Variants in RAPGEF6 observed in about 807,000 individuals in gnomAD.
RAPGEF6 encodes PDZ domain containing guanine nucleotide exchange factor (GEF) 2.
A neutral mutation model predicts 171.4 loss-of-function variants in RAPGEF6; 56 were observed. The observed-to-expected ratio is 0.33, with a 90% CI of 0.26 to 0.41. The LOEUF (loss-of-function observed/expected upper bound fraction) is 0.41. RAPGEF6 is among the 10% of genes least tolerant of loss of function. RAPGEF6 has a pLI of 1.00. For missense variants in RAPGEF6, 1,674 were observed against 1,921.4 expected, an observed-to-expected ratio of 0.87 and a Z score of 2.41; for synonymous variants, 692 against 650.1, an observed-to-expected ratio of 1.06 and a Z score of -0.98.
chr5:131,432,789 AT>A (rs1018299401), intron 25 of RAPGEF6, among the ~76,000 whole-genome samples: 1 of 152,184 alleles, frequency 6.6e-6, no homozygotes, highest in African/African-American at 2.4e-5. Context: ...TATAGAAAAC[AT>A]TTGCTGACCT....
Position 131,521,249 on chromosome 5 carries a change from G to GTATA in RAPGEF6, c.627+137_627+140dup, listed in dbSNP as rs1758455283. The GTATA allele has an allele frequency of 5.1e-6, 4 of 776,968 alleles. No individual in the cohort carries two copies. The East Asian group carries it at 1.3e-4, about 25-fold the overall frequency. 48.1% of individuals were successfully genotyped at this position (776,968 alleles called of 1,614,324 possible). ...TAATCATGCTTACAAATTTGACACA[G>GTATA]TATATAAAGCTTATTTTTCTAAAGA... On this transcript the variant is annotated intron_variant, in intron 7 of 27. Coordinates refer to ENST00000509018, the MANE Select transcript of RAPGEF6 (RefSeq NM_016340.6).
chr5:131,578,643 C>A (rs985562528), intron 4 of RAPGEF6, among the ~76,000 whole-genome samples: 1 of 152,182 alleles, frequency 6.6e-6, no homozygotes, highest in Non-Finnish European at 1.5e-5. Flanking sequence ...CATCTTCCAA[C>A]AACAGCTTAC....
chr5:131,523,279 C>CTTTTTTTTTTTTTTTTTT (rs1171953953), intron 6 of RAPGEF6, among the ~76,000 whole-genome samples: 5 of 66,650 alleles, frequency 7.5e-5, no homozygotes, highest in African/African-American at 1.4e-4. Context: ...CTGTTGTATG[C>CTTTTTTTTTTTTTTTTTT]TTTTTTTTTT....
intron 22 of RAPGEF6, among the ~76,000 whole-genome samples, chr5:131,443,104 C>T (rs559551365): frequency 1.3e-5 from 2 of 152,240 alleles, no homozygotes; most frequent in South Asian, 4.2e-4. Flanking sequence ...ACCACCATAC[C>T]CAGCTAATTC....
chr5:131,497,140 T>C (rs1286362012), intron 12 of RAPGEF6, among the ~76,000 whole-genome samples: 2 of 152,258 alleles, frequency 1.3e-5, no homozygotes, highest in Non-Finnish European at 2.9e-5. Context: ...CTGAACATCT[T>C]TGTCATGTGC....
rs1230181212 is a variant in RAPGEF6, at chr5:131,430,879, C to T, written c.4445G>A (p.Ser1482Asn). Residue 1482 changes from serine to asparagine, a missense_variant, in exon 26 of 28, where the codon AGT becomes AAT. Physicochemically the swap from Ser to Asn is conservative, Grantham distance 46. This residue lies in a region of RAPGEF6 where 552 missense variants were observed against 574.2 expected (regional missense o/e 0.96). Coordinates refer to ENST00000509018, the MANE Select transcript of RAPGEF6 (RefSeq NM_016340.6). ...CTTACCAATCAAGCCCTTTTCTGTACTTGAAGTGACAGTTTTATAAACTGG... is the reference window on the plus strand; with the variant it reads ...CTTACCAATCAAGCCCTTTTCTGTATTTGAAGTGACAGTTTTATAAACTGG... ...TDPVYKTVTS[S>N]TEKGLIVYCV... 1.2e-6 allele frequency: 2 copies of T among 1,604,580 alleles called. No homozygotes were observed. The highest frequency in any genetic ancestry group is 1.7e-6 in the Non-Finnish European group (2 of 1,176,702).
In RAPGEF6 at chr5:131,461,827, A is replaced by G. The variant is rs535249011; in HGVS notation, c.2742T>C (p.Val914=). ...EDIVNQETFW[V]ASEILTEANQ... ...TTGCTTCAGTTAAAATTTCTGAGGC[A>G]ACCCAGAATGTCTCTTGGTTTACAA... The change falls in exon 19 of 28, where the codon GTT becomes GTC. Residue 914 remains valine (V), a synonymous_variant. Transcript: ENST00000509018. 8 of 1,614,020 alleles carry G rather than the reference A, an allele frequency of 5.0e-6. No homozygotes were observed. In the African/African-American group the frequency reaches 1.1e-4, roughly 22 times the overall value.
At chr5:131,512,894 A>T (rs1314072087) in intron 7 of RAPGEF6, among the ~76,000 whole-genome samples, 1 of 152,140 alleles carries the variant, frequency 6.6e-6, no homozygotes, top group Non-Finnish European at 1.5e-5. Flanking sequence ...CAGACACCAA[A>T]TCTGCTTGCT....
intron 8 of RAPGEF6, among the ~76,000 whole-genome samples, chr5:131,508,424 A>G (rs1226825154): frequency 6.6e-6 from 1 of 152,216 alleles, no homozygotes; most frequent in South Asian, 2.1e-4. Context: ...GCATATTGGA[A>G]GATAACAGAA....
intron 24 of RAPGEF6, chr5:131,436,302 CT>C: frequency 6.5e-7 from 1 of 1,537,514 alleles, no homozygotes; most frequent in Non-Finnish European, 8.7e-7. Flanking sequence ...GAAGGATTTT[CT>C]TTTGCAAGTA....
intron 7 of RAPGEF6, among the ~76,000 whole-genome samples, chr5:131,518,212 GATATGAT>G (rs1412115374): frequency 3.3e-5 from 5 of 151,578 alleles, no homozygotes; most frequent in South Asian, 4.2e-4. Flanking sequence ...TTATCTCATA[GATATGAT>G]ATATAAGATT....
At chr5:131,575,736 A>C (rs895656211) in intron 4 of RAPGEF6, among the ~76,000 whole-genome samples, 1 of 152,058 alleles carries the variant, frequency 6.6e-6, no homozygotes, top group African/African-American at 2.4e-5. Context: ...GCACTCCCTA[A>C]TTCATCCCAA....
chr5:131,598,080 T>C (rs1283348544), intron 3 of RAPGEF6, among the ~76,000 whole-genome samples: 1 of 152,130 alleles, frequency 6.6e-6, no homozygotes, highest in East Asian at 1.9e-4. Flanking sequence ...AAACCTGCTA[T>C]ATTTATTACG....
intron 3 of RAPGEF6, 37 bp from the exon 4 acceptor site, chr5:131,592,503 A>C (rs770697479): frequency 4.4e-6 from 7 of 1,599,414 alleles, no homozygotes; most frequent in Non-Finnish European, 5.1e-6. Flanking sequence ...GAGCAAAACA[A>C]CACACATGTT....
intron 4 of RAPGEF6, among the ~76,000 whole-genome samples, chr5:131,575,591 C>A (rs1762557904): frequency 6.6e-6 from 1 of 152,180 alleles, no homozygotes; most frequent in Non-Finnish European, 1.5e-5. Context: ...CCTTTGGATA[C>A]CAGGTTTTGC....
rs999226561 is a variant in RAPGEF6 at position 131,484,591 on chromosome 5, C to A, written c.1841-4838G>T. The stretch of plus-strand genomic sequence containing the variant: ...GAAAGTAAAACCCTGCAGTGTCTGT[C>A]AAAAGTAATTCCACTTTGAGAAATG... On this transcript the variant is annotated intron_variant, in intron 15 of 27. Transcript: ENST00000509018. 1.3e-4 allele frequency among the ~76,000 whole-genome samples: 20 copies of A among 152,038 alleles called. 1 individual carries two copies. Among genetic ancestry groups the A allele is most frequent in the Non-Finnish European group, 2.1e-4 (14 of 68,004 alleles).
chr5:131,440,267 G>A (rs1752293446), intron 23 of RAPGEF6: 2 of 455,972 alleles, frequency 4.4e-6, no homozygotes, highest in Admixed American at 2.4e-5. Context: ...AATCATGAAT[G>A]TATAGAAAAA....
intron 19 of RAPGEF6, among the ~76,000 whole-genome samples, chr5:131,459,035 G>T (rs1274177323): frequency 2.0e-5 from 3 of 152,156 alleles, no homozygotes; most frequent in African/African-American, 7.2e-5. Context: ...AATAGCCAAA[G>T]AAAAGTATGA....
At position 131,599,126 on chromosome 5, in the gene RAPGEF6, C is replaced by T. The variant is rs946214383; in HGVS notation, c.197+4145G>A. Among the ~76,000 whole-genome samples the T allele has an allele frequency of 1.6e-4, 25 of 152,202 alleles. No homozygotes were observed. The East Asian group carries it at 3.9e-3, about 23-fold the overall frequency. On this transcript the variant is annotated intron_variant, in intron 3 of 27. Coordinates refer to ENST00000509018, the MANE Select transcript of RAPGEF6 (RefSeq NM_016340.6). ...AGGAGTTTGAGACCAGCCTGGCCAA[C>T]GTGGTGAAACCCCGTCTTTACTAAA... is the stretch of plus-strand genomic sequence containing the variant.
Sources: allele counts gnomAD v4.1 joint callset (sites outside exome capture counted in the v4.1 genomes callset), GRCh38; gene constraint gnomAD v4.1.1; regional missense constraint gnomAD v4.1.1; transcripts MANE v1.5; gene names NCBI Gene and HGNC (gene_info 2026-07-23, HGNC 2026-07-21).